Variants in RHEBL1 observed in about 807,000 individuals in gnomAD.
The protein encoded by RHEBL1 is GTPase RhebL1.
A neutral mutation model predicts 27.4 loss-of-function variants in RHEBL1; 22 were observed. The ratio of observed to expected loss-of-function variants is 0.80; its 90% CI spans 0.57 to 1.15. The LOEUF (loss-of-function observed/expected upper bound fraction) is 1.15, where lower values mean the gene tolerates loss of function less well. Ranked by LOEUF, RHEBL1 falls within the 50% of genes most tolerant of loss-of-function variation. The probability of loss-of-function intolerance (pLI) is 0.00; values close to 1 mark genes in which losing one functional copy is unlikely to be tolerated. For synonymous variants in RHEBL1, 85 were observed against 80.8 expected, an observed-to-expected ratio of 1.05 and a Z score of -0.28; for missense variants, 186 against 226.5, an observed-to-expected ratio of 0.82 and a Z score of 1.15.
At chr12:49,068,902 A>G in intron 2 of RHEBL1, 133 bp downstream of exon 2, 1 of 946,346 alleles carries the variant, frequency 1.1e-6, no homozygotes, top group Non-Finnish European at 1.6e-6. Context: ...CAGGATTGCT[A>G]AAGAAGAAAT....
chr12:49,066,245 A>T lies in RHEBL1; in HGVS notation c.366T>A (p.Asp122Glu), dbSNP rs774562669. ...VPVVLVGNKA[D>E]LSPEREVQAV... ...GATTTACATACCTCTCTGGAGAGAG[A>T]TCTGCCTTGTTCCCCACTAGAACCA... Residue 122 changes from aspartate to glutamate, a missense_variant, in exon 6 of 8, where the codon GAT becomes GAA. By Grantham distance (45) the Asp-to-Glu change is conservative (BLOSUM62 2). This residue lies in a region of RHEBL1 where 90 missense variants were observed against 95.2 expected (regional missense o/e 0.95). Transcript: ENST00000301068. 1.2e-6 allele frequency: 2 copies of T among 1,613,910 alleles called. No homozygotes were observed. Among genetic ancestry groups the T allele is most frequent in the Non-Finnish European group, 1.7e-6 (2 of 1,179,816 alleles).
At chr12:49,069,265 C>T in intron 1 of RHEBL1, 159 bp from the exon 2 acceptor site, 1 of 1,282,410 alleles carries the variant, frequency 7.8e-7, no homozygotes, top group Non-Finnish European at 1.1e-6. Flanking sequence ...CCCTCACCCT[C>T]TTTTCACCCA....
chr12:49,066,881 C>A, intron 3 of RHEBL1, 87 bp downstream of exon 3: 1 of 1,197,738 alleles, frequency 8.3e-7, no homozygotes, highest in Non-Finnish European at 1.2e-6. Context: ...GCTTTTAATA[C>A]TACTTTACGG....
chr12:49,065,157 C>T lies in RHEBL1; in HGVS notation c.498G>A (p.Glu166=), dbSNP rs1343287814. The change falls in exon 8 of 8, where the codon GAG becomes GAA. Residue 166 remains glutamate, a synonymous_variant. Coordinates refer to ENST00000301068, the MANE Select transcript of RHEBL1 (RefSeq NM_144593.3). ...CATAGGAATTCTCCACACGGGCAAT[C>T]TCCTGGATGACTTTGGTGAAGATGC... ...TQGIFTKVIQ[E]IARVENSYGQ... 3 of 1,614,052 alleles carry T rather than the reference C, an allele frequency of 1.9e-6. No individual in the cohort carries two copies. Among genetic ancestry groups the T allele is most frequent in the Non-Finnish European group, 2.5e-6 (3 of 1,179,996 alleles).
At position 49,066,658 on chromosome 12, in the gene RHEBL1, T is replaced by G. The variant is rs558988681; in HGVS notation, c.236A>C (p.His79Pro). The G allele has an allele frequency of 6.2e-7, 1 of 1,614,176 alleles. No individual in the cohort carries two copies. The highest frequency in any genetic ancestry group is 1.1e-5 in the South Asian group (1 of 91,090). The change falls in exon 4 of 8, where the codon CAT (histidine) becomes CCT (proline). Residue 79 changes from histidine (H) to proline (P), a missense_variant. His to Pro is a moderately conservative substitution (Grantham distance 77, BLOSUM62 -2). This residue lies in a region of RHEBL1 where 34 missense variants were observed against 69.3 expected (regional missense o/e 0.49). Coordinates refer to ENST00000301068, the MANE Select transcript of RHEBL1 (RefSeq NM_144593.3). The part of the protein sequence containing the change: ...ILPYSFIIGV[H>P]GYVLVYSVTS... ...GACAGAATACACAAGCACATAACCA[T>G]GGACCCCAATGATGAATGAATAGGG...
Position 49,069,952 on chromosome 12 carries a change from C to G in RHEBL1, c.-167G>C, listed in dbSNP as rs1939063385. ...AACAAGCGCCGCGCCCGGAGCTGCC[C>G]ACGTGATCACAACACAGCACGTCTA... On this transcript the variant is annotated 5_prime_UTR_variant, in exon 1 of 8. Coordinates refer to ENST00000301068, the MANE Select transcript of RHEBL1 (RefSeq NM_144593.3). The G allele has an allele frequency of 1.6e-6, 1 of 643,368 alleles. No homozygotes were observed. 39.9% of individuals were successfully genotyped at this position (643,368 alleles called of 1,614,324 possible).
chr12:49,068,135 C>CT (rs1461973521), intron 2 of RHEBL1, among the ~76,000 whole-genome samples: 2 of 128,948 alleles, frequency 1.6e-5, no homozygotes, highest in African/African-American at 5.6e-5. Context: ...TTTTTTTTTT[C>CT]TTTTTTTTCT....
intron 2 of RHEBL1, among the ~76,000 whole-genome samples, chr12:49,067,748 C>G (rs1362170073): frequency 1.3e-5 from 2 of 151,972 alleles, no homozygotes; most frequent in African/African-American, 2.4e-5. Flanking sequence ...GCACTGCACT[C>G]CAGCCTGGGT....
chr12:49,068,122 CTT>C (rs56250975), intron 2 of RHEBL1, among the ~76,000 whole-genome samples: 1 of 144,926 alleles, frequency 6.9e-6, no homozygotes, highest in African/African-American at 2.5e-5. Flanking sequence ...TCTTTTTATT[CTT>C]TTTTTTTTTT....
rs748017978 is a variant in RHEBL1, at chr12:49,065,349, C to T, written c.462+1G>A. 15 of 1,613,904 alleles carry T rather than the reference C, an allele frequency of 9.3e-6. No individual in the cohort carries two copies. The highest frequency in any genetic ancestry group is 1.1e-5 in the Non-Finnish European group (13 of 1,179,808). Reference sequence around the variant, plus strand: ...ACCCTTCTAGTCTTCAGGCCCAGCACCTGATTCTCTCGAGCAGATGACTCC... The same window carrying T: ...ACCCTTCTAGTCTTCAGGCCCAGCATCTGATTCTCTCGAGCAGATGACTCC... On this transcript the variant is annotated splice_donor_variant, in intron 7 of 7. Coordinates refer to ENST00000301068, the MANE Select transcript of RHEBL1 (RefSeq NM_144593.3). LOFTEE classifies it high-confidence loss of function.
At chr12:49,069,280 C>T in intron 1 of RHEBL1, 174 bp from the exon 2 acceptor site, 1 of 1,153,362 alleles carries the variant, frequency 8.7e-7, no homozygotes, top group South Asian at 1.6e-5. Flanking sequence ...CACCCAGGGT[C>T]TCCGCACTTT....
At chr12:49,067,693 T>G (rs372424989) in intron 2 of RHEBL1, among the ~76,000 whole-genome samples, 1 of 152,110 alleles carries the variant, frequency 6.6e-6, no homozygotes, top group Admixed American at 6.5e-5. Context: ...AGCGTGAGAA[T>G]TGCTTGAACC....
intron 6 of RHEBL1, 129 bp from the exon 7 acceptor site, chr12:49,065,560 C>A: frequency 1.4e-6 from 1 of 723,158 alleles, no homozygotes; most frequent in Non-Finnish European, 2.4e-6. Flanking sequence ...TTTGGGAGGC[C>A]GAGGTGGTGG....
chr12:49,067,455 CT>C lies in RHEBL1; in HGVS notation c.125-421del, dbSNP rs76065035. On this transcript the variant is annotated intron_variant, in intron 2 of 7. Transcript: ENST00000301068. ...CCTCTGCACCTGGCTGTCTCCTTACCTTTTTTTTTTTTTTTGGCAGCATTTT... is the reference window on the plus strand; with the variant it reads ...CCTCTGCACCTGGCTGTCTCCTTACCTTTTTTTTTTTTTTGGCAGCATTTT... 8.5e-3 allele frequency among the ~76,000 whole-genome samples: 1,172 copies of C among 138,570 alleles called. 3 individuals carry two copies. The highest frequency in any genetic ancestry group is 0.012 in the Non-Finnish European group (740 of 63,202). 90.9% of individuals were successfully genotyped at this position (138,570 alleles called of 152,430 possible).
chr12:49,068,855 A>G (rs1253285507), intron 2 of RHEBL1, among the ~76,000 whole-genome samples, 180 bp downstream of exon 2: 2 of 152,232 alleles, frequency 1.3e-5, no homozygotes, highest in Non-Finnish European at 2.9e-5. Context: ...CCCAGACTCA[A>G]TATCTTGCAA....
intron 5 of RHEBL1, 70 bp from the exon 6 acceptor site, chr12:49,066,348 T>C: frequency 6.4e-7 from 1 of 1,566,738 alleles, no homozygotes; most frequent in Non-Finnish European, 8.8e-7. Flanking sequence ...ACATCAAGGC[T>C]GGACGACTCC....
chr12:49,069,039 C>A lies in RHEBL1; in HGVS notation c.120G>T (p.Glu40Asp). 1 of 1,613,424 alleles carries A rather than the reference C, an allele frequency of 6.2e-7. No individual in the cohort carries two copies. Among genetic ancestry groups the A allele is most frequent in the Non-Finnish European group, 8.5e-7 (1 of 1,179,562 alleles). Reference sequence around the variant, plus strand: ...CTAGGGGAGAAGTCTACTCACTATTCTCCACTGTAGGATCGTAGCCTTCCG... The same window carrying A: ...CTAGGGGAGAAGTCTACTCACTATTATCCACTGTAGGATCGTAGCCTTCCG... The part of the protein sequence containing the change: ...EFSEGYDPTV[E>D]NTYSKIVTLG... The change falls in exon 2 of 8, where the codon GAG (glutamate) becomes GAT (aspartate). Residue 40 changes from glutamate (E) to aspartate (D), a missense_variant. Glu to Asp is a conservative substitution (Grantham distance 45). Transcript: ENST00000301068.
At position 49,069,856 on chromosome 12, in the gene RHEBL1, G is replaced by A; in HGVS notation, c.-71C>T. Reference sequence around the variant, plus strand: ...GCCCGAAAACGAGGTCAGGGTGTGAGCAGGCGCGGCAGCTGGTGCAGGAAA... The same window carrying A: ...GCCCGAAAACGAGGTCAGGGTGTGAACAGGCGCGGCAGCTGGTGCAGGAAA... On this transcript the variant is annotated 5_prime_UTR_variant, in exon 1 of 8. Transcript: ENST00000301068. The A allele has an allele frequency of 7.4e-7, 1 of 1,350,072 alleles. No individual in the cohort carries two copies. Among genetic ancestry groups the A allele is most frequent in the Admixed American group, 1.7e-5 (1 of 57,352 alleles). 83.6% of individuals were successfully genotyped at this position (1,350,072 alleles called of 1,614,324 possible). A position where few individuals can be genotyped will look rare whatever the true frequency, so the allele number is the denominator to read the frequency against.
In RHEBL1 at chr12:49,065,388, C is replaced by A. The variant is rs1938979612; in HGVS notation, c.424G>T (p.Gly142Cys). The A allele has an allele frequency of 1.2e-6, 2 of 1,614,056 alleles. No homozygotes were observed. The highest frequency in any genetic ancestry group is 1.3e-5 in the African/African-American group (1 of 74,914). ...VEGKKLAESW[G>C]ATFMESSARE... is the part of the protein sequence containing the mutation. ...GCAGATGACTCCATAAATGTCGCAC[C>A]CCAGGACTCTGCCAGCTTCTTTCCT... Residue 142 changes from glycine to cysteine, a missense_variant, in exon 7 of 8, where the codon GGT (glycine) becomes TGT (cysteine). Gly to Cys is a radical substitution (Grantham distance 159). This residue lies in a region of RHEBL1 where 90 missense variants were observed against 95.2 expected (regional missense o/e 0.95). Coordinates refer to ENST00000301068, the MANE Select transcript of RHEBL1 (RefSeq NM_144593.3).
Sources: allele counts gnomAD v4.1 joint callset (sites outside exome capture counted in the v4.1 genomes callset), GRCh38; gene constraint gnomAD v4.1.1; regional missense constraint gnomAD v4.1.1; transcripts MANE v1.5; gene names NCBI Gene and HGNC (gene_info 2026-07-23, HGNC 2026-07-21).